The following TNFSF12 variants were observed in gnomAD, a reference collection of about 807,000 sequenced individuals.
TNFSF12 encodes the protein tumor necrosis factor ligand superfamily member 12.
TNFSF12 carries 16 observed loss-of-function variants against 31.2 expected under a neutral mutation model. That is an observed-to-expected ratio of 0.51 (90% CI 0.35 to 0.78). The LOEUF is 0.78. Among genes scored for constraint, TNFSF12 ranks in the 30% least tolerant of loss-of-function variants. The probability of loss-of-function intolerance (pLI) is 0.01; values close to 1 mark genes in which losing one functional copy is unlikely to be tolerated. For missense variants in TNFSF12, 324 were observed against 338.8 expected (o/e 0.96, Z 0.34); for synonymous variants, 150 against 151.4 (o/e 0.99, Z 0.07).
Position 7,554,550 on chromosome 17 carries a change from C to T in TNFSF12, c.374-2228C>T, listed in dbSNP as rs1372551139. Among the ~76,000 whole-genome samples, 7 of 149,922 alleles carry T rather than the reference C, an allele frequency of 4.7e-5. No individual in the cohort carries two copies. In the South Asian group the frequency reaches 8.4e-4, roughly 18 times the overall value. ...CAGGATGGTCTCGATCTCCTGACCT[C>T]GTGATCCACCCAACTCGGCCTCCCA... On this transcript the variant is annotated intron_variant, in intron 5 of 6. Transcript: ENST00000293825.
chr17:7,554,594 C>T (rs2071038591), intron 5 of TNFSF12, among the ~76,000 whole-genome samples: 2 of 149,128 alleles, frequency 1.3e-5, no homozygotes, highest in East Asian at 2.0e-4. Flanking sequence ...GGATTACAGG[C>T]GTGAGCCACC....
intron 5 of TNFSF12, among the ~76,000 whole-genome samples, chr17:7,556,399 C>A (rs1325753086): frequency 1.3e-5 from 2 of 152,184 alleles, no homozygotes; most frequent in Admixed American, 6.5e-5. Context: ...AATTGGGTTT[C>A]ATTTTATTAT....
In TNFSF12 at chr17:7,557,109, A is replaced by T. The variant is rs774891965; in HGVS notation, c.509A>T (p.Asp170Val). The change falls in exon 7 of 7, where the codon GAT (aspartate) becomes GTT (valine). Residue 170 changes from aspartate to valine, a missense_variant. Transcript: ENST00000293825. The surrounding 1 kb of genome is among the most constrained non-coding windows in gnomAD (Gnocchi z 5.2). Reference sequence around the variant, plus strand: ...TTGTCCCCACCCCAGGTGCACTTTGATGAGGGGAAGGCTGTCTACCTGAAG... The same window carrying T: ...TTGTCCCCACCCCAGGTGCACTTTGTTGAGGGGAAGGCTGTCTACCTGAAG... ...LYYLYCQVHF[D>V]EGKAVYLKLD... is the part of the protein sequence containing the mutation. 1.9e-6 allele frequency: 3 copies of T among 1,611,488 alleles called. No individual in the cohort carries two copies. Among genetic ancestry groups the T allele is most frequent in the African/African-American group, 2.7e-5 (2 of 74,862 alleles).
rs1475815334 is a variant in TNFSF12, at chr17:7,557,187, C to T, written c.587C>T (p.Ser196Leu). Residue 196 changes from serine to leucine, a missense_variant, in exon 7 of 7, where the codon TCA becomes TTA. Ser to Leu is a moderately radical substitution (Grantham distance 145). Coordinates refer to ENST00000293825, the MANE Select transcript of TNFSF12 (RefSeq NM_003809.3). This position sits in a 1 kb window ranked among gnomAD's most constrained non-coding sequence, Gnocchi z 5.2. ...VLALRCLEEF[S>L]ATAASSLGPQ... ...GCCCTGCGCTGCCTGGAGGAATTCT[C>T]AGCCACTGCGGCGAGTTCCCTCGGG... The T allele has an allele frequency of 1.9e-6, 3 of 1,612,354 alleles. No homozygotes were observed. The highest frequency in any genetic ancestry group is 2.2e-5 in the South Asian group (2 of 91,040).
chr17:7,553,012 G>T (rs1465370398), intron 5 of TNFSF12, among the ~76,000 whole-genome samples: 2 of 145,784 alleles, frequency 1.4e-5, no homozygotes, highest in Admixed American at 1.4e-4. Context: ...GGAACTGGAG[G>T]CAGGGACAAC....
Position 7,550,048 on chromosome 17 carries a change from C to T in TNFSF12, c.208-72C>T. ...GTGTCTATTGCTGGCTGGTGGCTCT[C>T]CTGACAGGCCCCGTATGTCTCACTT... On this transcript the variant is annotated intron_variant, in intron 2 of 6. Coordinates refer to ENST00000293825, the MANE Select transcript of TNFSF12 (RefSeq NM_003809.3). This position sits in a 1 kb window ranked among gnomAD's most constrained non-coding sequence, Gnocchi z 4.4. 6.2e-7 allele frequency: 1 copy of T among 1,610,334 alleles called. No individual in the cohort carries two copies. The highest frequency in any genetic ancestry group is 8.5e-7 in the Non-Finnish European group (1 of 1,177,098).
Position 7,549,520 on chromosome 17 carries a change from C to T in TNFSF12, c.206C>T (p.Ser69Leu), listed in dbSNP as rs754711946. The change falls in exon 2 of 7, where the codon TCG (serine) becomes TTG (leucine). Residue 69 changes from serine to leucine, a missense_variant and splice_region_variant. By Grantham distance (145) the Ser-to-Leu change is moderately radical. Transcript: ENST00000293825. This position sits in a 1 kb window ranked among gnomAD's most constrained non-coding sequence, Gnocchi z 4.1. ...GTGGCAGAGGAGGACCAGGACCCGT[C>T]GGTGAGTGGGCGTGGGCGCGGTCTG... ...ELVAEEDQDPSELNPQTEESQ... is the reference protein window; with the variant it reads ...ELVAEEDQDPLELNPQTEESQ... The T allele has an allele frequency of 5.8e-6, 9 of 1,550,192 alleles. No individual in the cohort carries two copies. Among genetic ancestry groups the T allele is most frequent in the Non-Finnish European group, 7.0e-6 (8 of 1,144,640 alleles).
chr17:7,552,611 G>A (rs969474178), intron 5 of TNFSF12, among the ~76,000 whole-genome samples: 1 of 152,134 alleles, frequency 6.6e-6, no homozygotes, highest in African/African-American at 2.4e-5. Context: ...TTACAGGTGT[G>A]AGCCCTTGTG....
chr17:7,553,635 G>T (rs756337684), intron 5 of TNFSF12: 12 of 1,304,138 alleles, frequency 9.2e-6, no homozygotes, highest in Non-Finnish European at 1.1e-5. Context: ...AAGTGGTGGA[G>T]CCAAGATTTG....
At position 7,549,307 on chromosome 17, in the gene TNFSF12, G is replaced by T; in HGVS notation, c.154G>T (p.Ala52Ser). 3 of 1,396,406 alleles carry T rather than the reference G, an allele frequency of 2.1e-6. No individual in the cohort carries two copies. Among genetic ancestry groups the T allele is most frequent in the Non-Finnish European group, 2.8e-6 (3 of 1,074,876 alleles). The allele number at this position is 1,396,406 out of a possible 1,614,324, so 86.5% of individuals were successfully genotyped here. A position where few individuals can be genotyped will look rare whatever the true frequency, so the allele number is the denominator to read the frequency against. The change falls in exon 1 of 7, where the codon GCC becomes TCC. Residue 52 changes from alanine (A) to serine (S), a missense_variant. Transcript: ENST00000293825. The surrounding 1 kb of genome is among the most constrained non-coding windows in gnomAD (Gnocchi z 4.1). ...VSLGSRASLS[A>S]QEPAQEELVA... ...TTTGGGGAGCCGGGCATCGCTGTCC[G>T]CCCAGGTGAGGCCCCGCTGCGCACC...
chr17:7,550,699 A>G lies in TNFSF12; in HGVS notation c.284-100A>G. 1 of 1,519,704 alleles carries G rather than the reference A, an allele frequency of 6.6e-7. No individual in the cohort carries two copies. Among genetic ancestry groups the G allele is most frequent in the Non-Finnish European group, 8.9e-7 (1 of 1,120,220 alleles). 94.1% of individuals were successfully genotyped at this position (1,519,704 alleles called of 1,614,324 possible). A position where few individuals can be genotyped will look rare whatever the true frequency, so the allele number is the denominator to read the frequency against. ...TAAGGCCAGGAGTCTGGACAAGAAT[A>G]AGGATGCCAGGGTTCCTGAGAGGGG... On this transcript the variant is annotated intron_variant, in intron 3 of 6. Transcript: ENST00000293825. This position sits in a 1 kb window ranked among gnomAD's most constrained non-coding sequence, Gnocchi z 4.4.
chr17:7,554,307 C>CTTTTTTTTTTTTTTTTTTTTTTTTT (rs67090485), intron 5 of TNFSF12, among the ~76,000 whole-genome samples: 1 of 73,012 alleles, frequency 1.4e-5, no homozygotes, highest in Non-Finnish European at 2.6e-5. Flanking sequence ...TATCCAGACT[C>CTTTTTTTTTTTTTTTTTTTTTTTTT]TTTTTTTTTT....
rs952731732 is a variant in TNFSF12 at position 7,557,048 on chromosome 17, T to A, written c.499-51T>A. 1 of 1,564,392 alleles carries A rather than the reference T, an allele frequency of 6.4e-7. No homozygotes were observed. On this transcript the variant is annotated intron_variant, in intron 6 of 6. Transcript: ENST00000293825. The surrounding 1 kb of genome is among the most constrained non-coding windows in gnomAD (Gnocchi z 5.2). Reference sequence around the variant, plus strand: ...CTGCGTCGCTGAGGAAATTGGAAATTGAGGCGAGGGCAGGCAGAGGCCTGG... The same window carrying A: ...CTGCGTCGCTGAGGAAATTGGAAATAGAGGCGAGGGCAGGCAGAGGCCTGG...
In TNFSF12 at chr17:7,550,929, C is replaced by T. The variant is rs564643948; in HGVS notation, c.338-14C>T. On this transcript the variant is annotated splice_polypyrimidine_tract_variant and intron_variant, in intron 4 of 6. Transcript: ENST00000293825. This position sits in a 1 kb window ranked among gnomAD's most constrained non-coding sequence, Gnocchi z 4.4. ...TCAGGGCAGGTCTCACCAGCCTTTTCCTGTACTTTACAGTTCATCCACGAC... is the reference window on the plus strand; with the variant it reads ...TCAGGGCAGGTCTCACCAGCCTTTTTCTGTACTTTACAGTTCATCCACGAC... 8 of 1,614,144 alleles carry T rather than the reference C, an allele frequency of 5.0e-6. No individual in the cohort carries two copies. The highest frequency in any genetic ancestry group is 3.3e-5 in the Admixed American group (2 of 60,014).
chr17:7,557,014 A>G lies in TNFSF12; in HGVS notation c.499-85A>G. The G allele has an allele frequency of 3.1e-6, 3 of 980,560 alleles. No individual in the cohort carries two copies. The highest frequency in any genetic ancestry group is 4.5e-6 in the Non-Finnish European group (3 of 659,680). 60.7% of individuals were successfully genotyped at this position (980,560 alleles called of 1,614,324 possible). On this transcript the variant is annotated intron_variant, in intron 6 of 6. Coordinates refer to ENST00000293825, the MANE Select transcript of TNFSF12 (RefSeq NM_003809.3). The surrounding 1 kb of genome is among the most constrained non-coding windows in gnomAD (Gnocchi z 5.2). ...GAGGGTGAGTTGGGGTTTGGGTGGG[A>G]TGGGATGCCTGCGTCGCTGAGGAAA...
At chr17:7,554,368 T>C (rs28726315) in intron 5 of TNFSF12, among the ~76,000 whole-genome samples, 3,188 of 142,156 alleles carry the variant, frequency 0.022, 124 homozygotes, top group African/African-American at 0.076. Flanking sequence ...GGCTGGAGTG[T>C]AGTGGCGCGA....
chr17:7,553,083 T>G (rs1407359394), intron 5 of TNFSF12, among the ~76,000 whole-genome samples: 1 of 125,876 alleles, frequency 7.9e-6, no homozygotes, highest in East Asian at 2.7e-4. Context: ...TTCACTCTTG[T>G]CACCCAGGCT....
intron 5 of TNFSF12, among the ~76,000 whole-genome samples, chr17:7,556,452 A>T (rs982946724): frequency 6.6e-6 from 1 of 152,210 alleles, no homozygotes; most frequent in African/African-American, 2.4e-5. Context: ...TACATCCTCC[A>T]TATAAAAGAA....
intron 5 of TNFSF12, among the ~76,000 whole-genome samples, chr17:7,551,395 C>G (rs1418569130): frequency 2.0e-5 from 3 of 152,128 alleles, no homozygotes; most frequent in African/African-American, 7.2e-5. Context: ...CTTCCCCACT[C>G]CACACCCTCC....
Sources: allele counts gnomAD v4.1 joint callset (sites outside exome capture counted in the v4.1 genomes callset), GRCh38; gene constraint gnomAD v4.1.1; non-coding constraint Gnocchi (gnomAD v3.1); transcripts MANE v1.5; gene names NCBI Gene and HGNC (gene_info 2026-07-23, HGNC 2026-07-21).